CACNA1E: variants seen among roughly 807,000 people sequenced by gnomAD.
CACNA1E encodes the protein voltage-dependent R-type calcium channel subunit alpha-1E.
A neutral mutation model predicts 259.2 loss-of-function variants in CACNA1E; 40 were observed. The observed-to-expected ratio is 0.15, with a 90% confidence interval of 0.12 to 0.20. CACNA1E has a LOEUF of 0.20. Among genes scored for constraint, CACNA1E ranks in the 10% least tolerant of loss-of-function variants. CACNA1E has a pLI of 1.00. For synonymous variants in CACNA1E, 1,104 were observed against 1,138.5 expected (o/e 0.97, Z 0.61); for missense variants, 1,874 against 3,040.1 (o/e 0.62, Z 9.02).
intron 34 of CACNA1E, among the ~76,000 whole-genome samples, chr1:181,765,512 C>T (rs1658943852): frequency 6.6e-6 from 1 of 152,194 alleles, no homozygotes; most frequent in Non-Finnish European, 1.5e-5. Context: ...CTCCCACCCA[C>T]TTTCAGTTGC....
intron 2 of CACNA1E, among the ~76,000 whole-genome samples, chr1:181,419,617 A>C (rs1658572112): frequency 6.6e-6 from 1 of 152,270 alleles, no homozygotes; most frequent in African/African-American, 2.4e-5. Context: ...TCTTGAAAGC[A>C]GGGCCTTTGT....
intron 3 of CACNA1E, among the ~76,000 whole-genome samples, chr1:181,559,054 A>G (rs182768427): frequency 2.0e-5 from 3 of 152,326 alleles, no homozygotes; most frequent in African/African-American, 7.2e-5. Flanking sequence ...CCCTTGAAAC[A>G]GAATTAAGCC....
rs1374392366 is a variant in CACNA1E at position 181,804,334 on chromosome 1, G to A, written c.*5500G>A. On this transcript the variant is annotated 3_prime_UTR_variant, in exon 48 of 48. Coordinates refer to ENST00000367573, the MANE Select transcript of CACNA1E (RefSeq NM_001205293.3). ...TCAAAAATCTGAGGTTATAGTACCA[G>A]CTGTCTTTTCTCTCTGGTCTCCTTT... The A allele has an allele frequency of 6.6e-6, 1 of 152,154 alleles. No individual in the cohort carries two copies. The highest frequency in any genetic ancestry group is 6.5e-5 in the Admixed American group (1 of 15,276). 9.4% of individuals were successfully genotyped at this position (152,154 alleles called of 1,614,324 possible).
intron 1 of CACNA1E, among the ~76,000 whole-genome samples, chr1:181,324,912 C>T (rs2257177): frequency 0.95 from 145,371 of 152,248 alleles, 69,457 homozygotes; most frequent in East Asian, 1. Context: ...TGGGAAGAGA[C>T]GTCCAGGCCT....
chr1:181,410,235 GA>G (rs375459104), intron 1 of CACNA1E, among the ~76,000 whole-genome samples: 35 of 152,318 alleles, frequency 2.3e-4, no homozygotes, highest in Admixed American at 5.2e-4. Context: ...ACAACGTGAG[GA>G]ACGTGAATCA....
chr1:181,528,947 C>T (rs1667567006), intron 3 of CACNA1E, among the ~76,000 whole-genome samples: 1 of 152,216 alleles, frequency 6.6e-6, no homozygotes, highest in African/African-American at 2.4e-5. Context: ...ATGCTGGCTG[C>T]AGAAATTTGC....
chr1:181,473,103 T>C (rs1571950603), intron 2 of CACNA1E, among the ~76,000 whole-genome samples: 1 of 152,330 alleles, frequency 6.6e-6, no homozygotes, highest in East Asian at 1.9e-4. Context: ...TACCCTTTGA[T>C]TTGCTGAACA....
chr1:181,368,949 G>A (rs150655269), intron 1 of CACNA1E, among the ~76,000 whole-genome samples: 40 of 152,290 alleles, frequency 2.6e-4, no homozygotes, highest in African/African-American at 9.6e-4. Flanking sequence ...TATATGCAAA[G>A]CACTGGGCCC....
chr1:181,539,387 T>G (rs6693988), intron 3 of CACNA1E, among the ~76,000 whole-genome samples: 35,078 of 151,864 alleles, frequency 0.23, 4,486 homozygotes, highest in African/African-American at 0.33. Flanking sequence ...ACAAGCTAAT[T>G]AATGAATTAA....
At chr1:181,460,259 G>C (rs1262851913) in intron 2 of CACNA1E, among the ~76,000 whole-genome samples, 1 of 152,198 alleles carries the variant, frequency 6.6e-6, no homozygotes. Flanking sequence ...TTGCAGTTTG[G>C]AGAATAGATT....
At chr1:181,342,731 G>A (rs1652263652) in intron 1 of CACNA1E, among the ~76,000 whole-genome samples, 1 of 152,200 alleles carries the variant, frequency 6.6e-6, no homozygotes, top group African/African-American at 2.4e-5. Context: ...TACCTCGAAA[G>A]CGTGGATAGT....
chr1:181,458,756 C>G (rs540945644), intron 2 of CACNA1E, among the ~76,000 whole-genome samples: 1 of 152,268 alleles, frequency 6.6e-6, no homozygotes, highest in Non-Finnish European at 1.5e-5. Flanking sequence ...GCCTTTCTAT[C>G]TTTCACTTTG....
In CACNA1E at chr1:181,544,117, T is replaced by C. The variant is rs1668803010; in HGVS notation, c.512+32607T>C. Among the ~76,000 whole-genome samples the C allele has an allele frequency of 2.0e-5, 3 of 152,320 alleles. No individual in the cohort carries two copies. In the South Asian group the frequency reaches 6.2e-4, roughly 32 times the overall value. On this transcript the variant is annotated intron_variant, in intron 3 of 47. Coordinates refer to ENST00000367573, the MANE Select transcript of CACNA1E (RefSeq NM_001205293.3). The stretch of plus-strand genomic sequence containing the variant: ...AAATGTGGCATGTCAGACAATGGAA[T>C]ACTACTCGACAATGAAAAGCAACAA...
intron 6 of CACNA1E, among the ~76,000 whole-genome samples, chr1:181,627,425 C>T (rs1212376693): frequency 3.9e-5 from 6 of 152,064 alleles, no homozygotes; most frequent in African/African-American, 4.8e-5. Context: ...ATCAAAGGAC[C>T]GTGAATGTTT....
At position 181,763,315 on chromosome 1, in the gene CACNA1E, G is replaced by A. The variant is rs1001649007; in HGVS notation, c.4690-91G>A. Reference sequence around the variant, plus strand: ...AGACAGAGACTGTGTCCCATTTATCGGAATGAGGGATAAATACACAAATAC... The same window carrying A: ...AGACAGAGACTGTGTCCCATTTATCAGAATGAGGGATAAATACACAAATAC... On this transcript the variant is annotated intron_variant, in intron 33 of 47. Coordinates refer to ENST00000367573, the MANE Select transcript of CACNA1E (RefSeq NM_001205293.3). 2.4e-5 allele frequency: 25 copies of A among 1,046,802 alleles called. No individual in the cohort carries two copies. The South Asian group carries it at 3.2e-4, about 14-fold the overall frequency. The allele number at this position is 1,046,802 out of a possible 1,614,324, so 64.8% of individuals were successfully genotyped here. A position where few individuals can be genotyped will look rare whatever the true frequency, so the allele number is the denominator to read the frequency against.
intron 21 of CACNA1E, 92 bp from the exon 22 acceptor site, chr1:181,736,183 T>C (rs765302889): frequency 1.4e-6 from 2 of 1,455,276 alleles, no homozygotes; most frequent in Non-Finnish European, 1.8e-6. Flanking sequence ...GAGCCCTTTC[T>C]CCTCCTCTCC....
intron 2 of CACNA1E, among the ~76,000 whole-genome samples, chr1:181,419,717 G>A (rs565111532): frequency 1.3e-5 from 2 of 152,282 alleles, no homozygotes; most frequent in African/African-American, 2.4e-5. Flanking sequence ...CATATTGAGG[G>A]GAATTGATAT....
chr1:181,752,069 T>G (rs759817661), intron 26 of CACNA1E, 74 bp from the exon 27 acceptor site: 27 of 1,047,722 alleles, frequency 2.6e-5, no homozygotes, highest in Non-Finnish European at 3.6e-5. Flanking sequence ...CTGTTGTTAC[T>G]AATGCCATAG....
At chr1:181,584,837 G>A (rs190480877) in intron 6 of CACNA1E, among the ~76,000 whole-genome samples, 29 of 152,296 alleles carry the variant, frequency 1.9e-4, no homozygotes, top group Non-Finnish European at 3.4e-4. Flanking sequence ...GGTGGCAGGA[G>A]TCTATGATTA....
Sources: gnomAD v4.1 joint callset for allele counts (sites outside exome capture counted in the v4.1 genomes callset) on GRCh38, gnomAD v4.1.1 for gene constraint, MANE v1.5 for transcripts, NCBI Gene and HGNC (gene_info 2026-07-23, HGNC 2026-07-21) for gene names.